Variants in SGCD observed in about 807,000 individuals in gnomAD.
SGCD encodes sarcoglycan delta.
In SGCD, 18 loss-of-function variants were observed where a neutral mutation model predicts 36.6. That is an observed-to-expected ratio of 0.49 (90% confidence interval 0.34 to 0.73). SGCD has a LOEUF of 0.73. SGCD is among the 30% of genes least tolerant of loss of function. The probability of loss-of-function intolerance (pLI) is 0.01; values close to 1 mark genes in which losing one functional copy is unlikely to be tolerated. For synonymous variants in SGCD, 133 were observed against 130.6 expected (o/e 1.02, Z -0.12); for missense variants, 387 against 346.7 (o/e 1.12, Z -0.92).
At chr5:155,877,715 A>G (rs951927227) in intron 1 of SGCD, among the ~76,000 whole-genome samples, 1 of 152,066 alleles carries the variant, frequency 6.6e-6, no homozygotes, top group Non-Finnish European at 1.5e-5. Flanking sequence ...AGGGGCATTT[A>G]TTCTGCTTGA....
intron 3 of SGCD, among the ~76,000 whole-genome samples, chr5:156,320,383 C>G (rs1434889572): frequency 6.6e-6 from 1 of 152,048 alleles, no homozygotes; most frequent in Non-Finnish European, 1.5e-5. Flanking sequence ...TTTTATTGAT[C>G]AATAAATTTT....
the SGCD span, among the ~76,000 whole-genome samples, chr5:155,729,976 C>T: frequency 2.0e-5 from 3 of 152,124 alleles, no homozygotes; most frequent in African/African-American, 7.2e-5. Context: ...CTCATAGTTT[C>T]GCTCCTCTGT....
At chr5:156,715,432 A>G (rs1031934334) in intron 7 of SGCD, among the ~76,000 whole-genome samples, 20 of 152,222 alleles carry the variant, frequency 1.3e-4, no homozygotes, top group African/African-American at 4.8e-4. Context: ...AGGGCTTGCA[A>G]ATGGTCTTTT....
At chr5:156,399,395 C>A (rs1278667646) in intron 3 of SGCD, among the ~76,000 whole-genome samples, 2 of 152,186 alleles carry the variant, frequency 1.3e-5, no homozygotes, top group East Asian at 1.9e-4. Context: ...TTCTGAGCAG[C>A]AGGTCCACCA....
In SGCD at chr5:156,594,998, T is replaced by C; in HGVS notation, c.449T>C (p.Phe150Ser). The change falls in exon 6 of 9, where the codon TTC becomes TCC. Residue 150 changes from phenylalanine to serine, a missense_variant. Physicochemically the swap from Phe to Ser is radical, Grantham distance 155. Coordinates refer to ENST00000337851, the MANE Select transcript of SGCD (RefSeq NM_000337.6). ...AAAACTGTTTCTGGAAAATTGCTCT[T>C]CTCTGCAGACAATAATGAAGTGGTA... ...EVKTVSGKLL[F>S]SADNNEVVVG... The C allele has an allele frequency of 1.9e-6, 3 of 1,612,708 alleles. No individual in the cohort carries two copies. The highest frequency in any genetic ancestry group is 2.5e-6 in the Non-Finnish European group (3 of 1,179,042).
chr5:156,163,589 G>A (rs1763136078), intron 3 of SGCD, among the ~76,000 whole-genome samples: 1 of 151,428 alleles, frequency 6.6e-6, no homozygotes, highest in Non-Finnish European at 1.5e-5. Flanking sequence ...TCTGTCCTGA[G>A]GTAGTACATT....
At chr5:156,390,725 T>C (rs561112090) in intron 3 of SGCD, among the ~76,000 whole-genome samples, 1 of 152,104 alleles carries the variant, frequency 6.6e-6, no homozygotes, top group Non-Finnish European at 1.5e-5. Flanking sequence ...AGTGAAACTC[T>C]ATCTCAGGGA....
chr5:156,018,981 A>T (rs569350118), intron 1 of SGCD, among the ~76,000 whole-genome samples: 10 of 152,212 alleles, frequency 6.6e-5, no homozygotes, highest in Non-Finnish European at 1.3e-4. Flanking sequence ...ATAGGAAAAA[A>T]TCTGTCAGTC....
chr5:156,601,930 C>G (rs1353512995), intron 6 of SGCD, among the ~76,000 whole-genome samples: 1 of 152,184 alleles, frequency 6.6e-6, no homozygotes, highest in African/African-American at 2.4e-5. Flanking sequence ...ATCTGCCTGC[C>G]TTGGCCTCCC....
intron 6 of SGCD, among the ~76,000 whole-genome samples, chr5:156,642,188 T>C (rs746166681): frequency 6.6e-6 from 1 of 152,114 alleles, no homozygotes; most frequent in Admixed American, 6.5e-5. Context: ...GATGACCTCA[T>C]CTAAACCTAA....
the SGCD span, among the ~76,000 whole-genome samples, chr5:155,849,987 C>T: frequency 6.6e-6 from 1 of 152,066 alleles, no homozygotes; most frequent in East Asian, 1.9e-4. Flanking sequence ...AATGAATGAC[C>T]ATATCATTTG....
Position 156,759,498 on chromosome 5 carries a change from G to GTGTGTA in SGCD, c.*115_*120dup. On this transcript the variant is annotated 3_prime_UTR_variant, in exon 9 of 9. Coordinates refer to ENST00000337851, the MANE Select transcript of SGCD (RefSeq NM_000337.6). ...ACACAGAAAGCCTATCAAAGACCTTGTGTGTATGTGTACGTGTGTGTGCGT... is the reference window on the plus strand; with the variant it reads ...ACACAGAAAGCCTATCAAAGACCTTGTGTGTATGTGTATGTGTACGTGTGTGTGCGT... 1.4e-6 allele frequency: 1 copy of GTGTGTA among 726,624 alleles called. No homozygotes were observed. Among genetic ancestry groups the GTGTGTA allele is most frequent in the Non-Finnish European group, 2.3e-6 (1 of 436,240 alleles). 45.0% of individuals were successfully genotyped at this position (726,624 alleles called of 1,614,324 possible).
chr5:156,127,698 G>C (rs1401689373), intron 3 of SGCD, among the ~76,000 whole-genome samples: 1 of 151,472 alleles, frequency 6.6e-6, no homozygotes, highest in African/African-American at 2.4e-5. Flanking sequence ...CTTTTAACAA[G>C]AGCACCACAT....
chr5:155,991,220 A>C (rs1185204289), intron 1 of SGCD, among the ~76,000 whole-genome samples: 1 of 152,214 alleles, frequency 6.6e-6, no homozygotes, highest in African/African-American at 2.4e-5. Context: ...GCAACATCTG[A>C]GCCATACAAG....
intron 1 of SGCD, among the ~76,000 whole-genome samples, chr5:155,891,468 T>C (rs569803097): frequency 6.6e-6 from 1 of 152,082 alleles, no homozygotes; most frequent in Admixed American, 6.6e-5. Flanking sequence ...ACTCATCTAA[T>C]TAACTCCTGC....
intron 3 of SGCD, among the ~76,000 whole-genome samples, chr5:156,269,475 A>C (rs1766103308): frequency 5.8e-5 from 7 of 121,306 alleles, no homozygotes; most frequent in African/African-American, 2.8e-4. Context: ...GTCTCAAAAA[A>C]AAAAAAAAAA....
chr5:156,514,120 C>T (rs939334724), intron 4 of SGCD, among the ~76,000 whole-genome samples: 2 of 152,120 alleles, frequency 1.3e-5, no homozygotes, highest in Admixed American at 6.6e-5. Flanking sequence ...GTAGATAGAA[C>T]GAATGAATGA....
At position 156,593,297 on chromosome 5, in the gene SGCD, G is replaced by A. The variant is rs373334012; in HGVS notation, c.383-1635G>A. Among the ~76,000 whole-genome samples, 13 of 152,212 alleles carry A rather than the reference G, an allele frequency of 8.5e-5. No homozygotes were observed. The East Asian group carries it at 2.5e-3, about 29-fold the overall frequency. On this transcript the variant is annotated intron_variant, in intron 5 of 8. Coordinates refer to ENST00000337851, the MANE Select transcript of SGCD (RefSeq NM_000337.6). ...GCCCAGTGGCTGGTTGGCACTATCA[G>A]CCCAGCCTTAGCATTCTCCTGCTTC...
At chr5:156,758,186 A>ACCAACCAGAACAAGCCAAAACTTT in intron 8 of SGCD, 1 of 159,838 alleles carries the variant, frequency 6.3e-6, no homozygotes, top group Non-Finnish European at 1.3e-5. Flanking sequence ...GCAGCAAGGG[A>ACCAACCAGAACAAGCCAAAACTTT]ATGAAACACT....
Sources: allele counts gnomAD v4.1 joint callset (sites outside exome capture counted in the v4.1 genomes callset), GRCh38; gene constraint gnomAD v4.1.1; transcripts MANE v1.5; gene names NCBI Gene and HGNC (gene_info 2026-07-23, HGNC 2026-07-21).